GPC6: variants seen among roughly 807,000 people sequenced by gnomAD.
The protein encoded by GPC6 is glypican 6.
In GPC6, 14 loss-of-function variants were observed where a neutral mutation model predicts 55.2. The ratio of observed to expected loss-of-function variants is 0.25; its 90% CI spans 0.17 to 0.40. The LOEUF (loss-of-function observed/expected upper bound fraction) is 0.40, where lower values mean the gene tolerates loss of function less well. Ranked by LOEUF, GPC6 falls within the 10% of genes least tolerant of loss-of-function variation. GPC6 has a pLI of 1.00. For missense variants in GPC6, 641 were observed against 708.5 expected, an observed-to-expected ratio of 0.90 and a Z score of 1.08; for synonymous variants, 278 against 259.6, an observed-to-expected ratio of 1.07 and a Z score of -0.68.
chr13:93,348,709 A>G (rs1350666985), intron 1 of GPC6, among the ~76,000 whole-genome samples: 1 of 152,218 alleles, frequency 6.6e-6, no homozygotes, highest in African/African-American at 2.4e-5. Flanking sequence ...ATAGACTGCA[A>G]AAATATAAAG....
chr13:94,218,469 G>T (rs898336316), intron 4 of GPC6, among the ~76,000 whole-genome samples: 1 of 152,146 alleles, frequency 6.6e-6, no homozygotes, highest in Non-Finnish European at 1.5e-5. Context: ...CTTTGACAAA[G>T]ACTTGTAGAA....
intron 1 of GPC6, among the ~76,000 whole-genome samples, chr13:93,417,294 C>A (rs1876735838): frequency 6.6e-6 from 1 of 151,842 alleles, no homozygotes; most frequent in Non-Finnish European, 1.5e-5. Context: ...TTAAGTTACT[C>A]ATAAAGAAGG....
chr13:93,237,817 T>C (rs1876290223), intron 1 of GPC6, among the ~76,000 whole-genome samples: 2 of 152,196 alleles, frequency 1.3e-5, no homozygotes, highest in African/African-American at 4.8e-5. Context: ...ATTTGTTGAA[T>C]AGGGTGTACT....
rs537207935 is a variant in GPC6, at chr13:93,470,689, T to A, written c.161-74574T>A. On this transcript the variant is annotated intron_variant, in intron 1 of 8. Coordinates refer to ENST00000377047, the MANE Select transcript of GPC6 (RefSeq NM_005708.5). ...GGAGAAGTATTCCCTTCTCTTTTTT[T>A]TCTGAAATAAATTTTATAAAATTGG... 4.6e-5 allele frequency among the ~76,000 whole-genome samples: 7 copies of A among 152,234 alleles called. No individual in the cohort carries two copies. The South Asian group carries it at 6.2e-4, about 13-fold the overall frequency.
chr13:93,488,647 T>G (rs900693619), intron 1 of GPC6, among the ~76,000 whole-genome samples: 1 of 152,196 alleles, frequency 6.6e-6, no homozygotes, highest in East Asian at 1.9e-4. Context: ...TCCTGACTTT[T>G]TAATGATCGC....
intron 2 of GPC6, among the ~76,000 whole-genome samples, chr13:93,762,380 A>G (rs994114323): frequency 5.9e-5 from 9 of 152,230 alleles, no homozygotes; most frequent in African/African-American, 1.9e-4. Flanking sequence ...CATAATGATC[A>G]TTCTCTCAGG....
At chr13:93,223,658 G>T (rs890937599), upstream of GPC6, among the ~76,000 whole-genome samples, 1 of 151,954 alleles carries the variant, frequency 6.6e-6, no homozygotes, top group African/African-American at 2.4e-5. Context: ...TGGCTAGCCT[G>T]GTCTCTAACT....
intron 2 of GPC6, among the ~76,000 whole-genome samples, chr13:93,734,813 A>C (rs1256940941): frequency 6.6e-6 from 1 of 152,140 alleles, no homozygotes; most frequent in Non-Finnish European, 1.5e-5. Context: ...AACAAACAAC[A>C]AAAAAATACA....
chr13:94,384,071 C>T (rs972380409), intron 7 of GPC6, among the ~76,000 whole-genome samples: 1 of 152,158 alleles, frequency 6.6e-6, no homozygotes, highest in Non-Finnish European at 1.5e-5. Context: ...GACACAGAGC[C>T]AAACCATACC....
rs547424973 is a variant in GPC6 at position 93,504,178 on chromosome 13, C to T, written c.161-41085C>T. 1.4e-4 allele frequency among the ~76,000 whole-genome samples: 21 copies of T among 152,044 alleles called. No homozygotes were observed. In the East Asian group the frequency reaches 3.7e-3, roughly 27 times the overall value. The stretch of plus-strand genomic sequence containing the variant: ...ACATAACACCTTTGATTCGATAATC[C>T]TGTTAGATTAAAATTAAAGATGTGG... On this transcript the variant is annotated intron_variant, in intron 1 of 8. Transcript: ENST00000377047.
At chr13:93,243,675 C>T (rs1161483750) in intron 1 of GPC6, among the ~76,000 whole-genome samples, 1 of 152,176 alleles carries the variant, frequency 6.6e-6, no homozygotes, top group Non-Finnish European at 1.5e-5. Context: ...GTGGCTTTCT[C>T]ACTTGCCAGC....
At chr13:93,464,410 A>G (rs1263545560) in intron 1 of GPC6, among the ~76,000 whole-genome samples, 2 of 152,174 alleles carry the variant, frequency 1.3e-5, no homozygotes, top group Non-Finnish European at 2.9e-5. Context: ...CTGCAGCTTT[A>G]TCAACTCAGT....
chr13:94,187,495 A>G (rs1007991424), intron 4 of GPC6: 27 of 152,338 alleles, frequency 1.8e-4, no homozygotes, highest in African/African-American at 6.5e-4. Flanking sequence ...TTCTTTTAAA[A>G]TCGTGTCACT....
At chr13:93,363,596 C>T (rs893269755) in intron 1 of GPC6, among the ~76,000 whole-genome samples, 2 of 151,970 alleles carry the variant, frequency 1.3e-5, no homozygotes, top group Non-Finnish European at 2.9e-5. Context: ...AATAAACATA[C>T]GTGTGCATGT....
intron 4 of GPC6, among the ~76,000 whole-genome samples, chr13:94,165,271 T>C (rs1021540815): frequency 1.4e-5 from 2 of 144,180 alleles, no homozygotes; most frequent in South Asian, 2.1e-4. Context: ...CATATATATA[T>C]ACACATATAT....
At chr13:93,734,209 C>T (rs1883921836) in intron 2 of GPC6, among the ~76,000 whole-genome samples, 1 of 152,118 alleles carries the variant, frequency 6.6e-6, no homozygotes, top group Non-Finnish European at 1.5e-5. Flanking sequence ...ATGAATGAAC[C>T]ATAAAGCTCT....
chr13:94,388,854 C>T (rs1354655510), intron 7 of GPC6, among the ~76,000 whole-genome samples: 2 of 152,158 alleles, frequency 1.3e-5, no homozygotes, highest in Non-Finnish European at 2.9e-5. Flanking sequence ...ACCAAAGGCC[C>T]TATCTCCAGG....
At chr13:93,299,954 A>G (rs1005578913) in intron 1 of GPC6, among the ~76,000 whole-genome samples, 2 of 152,230 alleles carry the variant, frequency 1.3e-5, no homozygotes, top group African/African-American at 2.4e-5. Flanking sequence ...CAAGGATAGT[A>G]TCTAGCAGAT....
intron 4 of GPC6, among the ~76,000 whole-genome samples, chr13:94,226,616 G>A (rs1016304402): frequency 3.9e-5 from 6 of 151,908 alleles, no homozygotes; most frequent in African/African-American, 1.5e-4. Flanking sequence ...TTCATACTTG[G>A]GTCTAAAGAA....
Sources: allele counts gnomAD v4.1 joint callset (sites outside exome capture counted in the v4.1 genomes callset), GRCh38; gene constraint gnomAD v4.1.1; transcripts MANE v1.5; gene names NCBI Gene and HGNC (gene_info 2026-07-23, HGNC 2026-07-21).